PRKG1: variants seen among roughly 807,000 people sequenced by gnomAD.
PRKG1 encodes the protein cGMP-dependent protein kinase 1.
A neutral mutation model predicts 88.1 loss-of-function variants in PRKG1; 35 were observed. That is an observed-to-expected ratio of 0.40 (90% CI 0.30 to 0.53). The LOEUF (loss-of-function observed/expected upper bound fraction) is 0.53. PRKG1 is among the 20% of genes least tolerant of loss of function. PRKG1 has a pLI of 0.59. For missense variants in PRKG1, 540 were observed against 839.8 expected, an observed-to-expected ratio of 0.64 and a Z score of 4.41; for synonymous variants, 303 against 292.5, an observed-to-expected ratio of 1.04 and a Z score of -0.37.
At chr10:52,090,117 T>C (rs913365441) in intron 7 of PRKG1, among the ~76,000 whole-genome samples, 3 of 152,118 alleles carry the variant, frequency 2.0e-5, no homozygotes, top group East Asian at 3.9e-4. Flanking sequence ...CCGGCCTAGA[T>C]TGTTGTTTCT....
At chr10:51,968,892 C>T (rs898989085) in intron 5 of PRKG1, among the ~76,000 whole-genome samples, 1 of 143,444 alleles carries the variant, frequency 7.0e-6, no homozygotes, top group African/African-American at 2.5e-5. Flanking sequence ...ATTATGAAAA[C>T]AGAATCTGCA....
intron 2 of PRKG1, among the ~76,000 whole-genome samples, chr10:51,256,704 A>G (rs1839568819): frequency 6.6e-6 from 1 of 152,124 alleles, no homozygotes; most frequent in African/African-American, 2.4e-5. Context: ...AAGAAAGAAA[A>G]GTTAGATTTA....
intron 9 of PRKG1, among the ~76,000 whole-genome samples, chr10:52,205,704 G>T (rs1276745422): frequency 6.6e-6 from 1 of 152,058 alleles, no homozygotes; most frequent in African/African-American, 2.4e-5. Context: ...AATCTTTGTT[G>T]GAATTTCTTT....
In PRKG1 at chr10:52,262,216, A is replaced by G. The variant is rs142408096; in HGVS notation, c.1174-9134A>G. ...TTTATAAATAATTTTCACATACACT[A>G]TCTGATTTTAACTTACAATATCTGT... On this transcript the variant is annotated intron_variant, in intron 10 of 17. Transcript: ENST00000373980. Among the ~76,000 whole-genome samples the G allele has an allele frequency of 2.8e-4, 42 of 152,122 alleles. No individual in the cohort carries two copies. The East Asian group carries it at 6.4e-3, about 23-fold the overall frequency.
At chr10:51,137,182 C>A (rs1367411572) in intron 1 of PRKG1, among the ~76,000 whole-genome samples, 1 of 152,018 alleles carries the variant, frequency 6.6e-6, no homozygotes, top group Non-Finnish European at 1.5e-5. Context: ...CCGCACCCGG[C>A]CTAATTAATT....
At chr10:51,351,502 T>C (rs980800031) in intron 2 of PRKG1, among the ~76,000 whole-genome samples, 1 of 150,322 alleles carries the variant, frequency 6.7e-6, no homozygotes, top group Non-Finnish European at 1.5e-5. Flanking sequence ...TTTCTCATCA[T>C]CAGTGATGAT....
chr10:51,092,624 G>A (rs1025247179), intron 1 of PRKG1, among the ~76,000 whole-genome samples: 8 of 152,190 alleles, frequency 5.3e-5, no homozygotes, highest in African/African-American at 1.7e-4. Context: ...AACTGGGGAT[G>A]CTGCCAAATC....
At chr10:51,089,388 A>T (rs921395162) in intron 1 of PRKG1, among the ~76,000 whole-genome samples, 5 of 152,212 alleles carry the variant, frequency 3.3e-5, no homozygotes, top group African/African-American at 1.2e-4. Flanking sequence ...TCAAATTTAG[A>T]TATAATTTTT....
intron 2 of PRKG1, among the ~76,000 whole-genome samples, chr10:51,375,755 G>GC (rs1554801274): frequency 1.8e-5 from 1 of 54,878 alleles, no homozygotes; most frequent in African/African-American, 8.5e-5. Context: ...TGTTGGTGGT[G>GC]GGGGGGTGTT....
rs56746938 is a variant in PRKG1 at position 51,079,679 on chromosome 10, T to TTGTGTGTG, written c.311+4796_311+4803dup. Among the ~76,000 whole-genome samples the TTGTGTGTG allele has an allele frequency of 3.2e-3, 483 of 150,270 alleles. 1 individual carries two copies. Among genetic ancestry groups the TTGTGTGTG allele is most frequent in the Middle Eastern group, 7.0e-3 (2 of 286 alleles). ...GGGTTTTAGAATAGCTAAGGCTCATTTGTGTGTGTGTGTGTGTGTGTGTGT... is the reference window on the plus strand; with the variant it reads ...GGGTTTTAGAATAGCTAAGGCTCATTTGTGTGTGTGTGTGTGTGTGTGTGTGTGTGTGT... On this transcript the variant is annotated intron_variant, in intron 1 of 17. Coordinates refer to ENST00000373980, the MANE Select transcript of PRKG1 (RefSeq NM_006258.4).
intron 2 of PRKG1, among the ~76,000 whole-genome samples, chr10:51,417,576 G>C (rs971581018): frequency 7.2e-5 from 11 of 152,156 alleles, no homozygotes; most frequent in African/African-American, 2.7e-4. Context: ...CCATAGAATT[G>C]TAGGGAATGA....
At chr10:51,310,054 G>A (rs903525597) in intron 2 of PRKG1, among the ~76,000 whole-genome samples, 1 of 152,122 alleles carries the variant, frequency 6.6e-6, no homozygotes, top group Non-Finnish European at 1.5e-5. Context: ...TGTACACATG[G>A]GCATAGAGTG....
chr10:51,904,167 A>G (rs1842037886), intron 4 of PRKG1, among the ~76,000 whole-genome samples: 1 of 152,144 alleles, frequency 6.6e-6, no homozygotes, highest in Non-Finnish European at 1.5e-5. Context: ...TCCTTAGGGA[A>G]CCAAAACAAT....
chr10:51,816,073 G>A (rs894475815), intron 4 of PRKG1, among the ~76,000 whole-genome samples: 1 of 152,176 alleles, frequency 6.6e-6, no homozygotes, highest in Non-Finnish European at 1.5e-5. Context: ...GCTCCTTTAA[G>A]AAAGTTAATC....
At chr10:51,088,758 T>C (rs898180380) in intron 1 of PRKG1, among the ~76,000 whole-genome samples, 4 of 152,082 alleles carry the variant, frequency 2.6e-5, no homozygotes, top group African/African-American at 7.2e-5. Context: ...TGCTCCATGT[T>C]ACATCCTTGG....
chr10:51,370,940 T>A (rs1842693161), intron 2 of PRKG1, among the ~76,000 whole-genome samples: 1 of 152,108 alleles, frequency 6.6e-6, no homozygotes. Flanking sequence ...GCATTTGAGA[T>A]CCTTCTTAAT....
chr10:51,955,055 T>C (rs1415552472), intron 5 of PRKG1, among the ~76,000 whole-genome samples: 1 of 152,144 alleles, frequency 6.6e-6, no homozygotes, highest in African/African-American at 2.4e-5. Context: ...GTTTTGTGTG[T>C]GTGTGTGTGT....
In PRKG1 at chr10:52,288,808, A is replaced by T. The variant is rs750349497; in HGVS notation, c.1792A>T (p.Ile598Phe). The T allele has an allele frequency of 6.2e-7, 1 of 1,607,086 alleles. No homozygotes were observed. The highest frequency in any genetic ancestry group is 8.5e-7 in the Non-Finnish European group (1 of 1,177,166). Residue 598 changes from isoleucine (I) to phenylalanine (F), a missense_variant, in exon 15 of 18, where the codon ATT becomes TTT. By Grantham distance (21) the Ile-to-Phe change is conservative. This residue lies in a region of PRKG1 where 97 missense variants were observed against 210.6 expected (regional missense o/e 0.46). Coordinates refer to ENST00000373980, the MANE Select transcript of PRKG1 (RefSeq NM_006258.4). Reference protein sequence around the residue: ...GIDMIEFPKKIAKNAANLIKK... With the variant: ...GIDMIEFPKKFAKNAANLIKK... The stretch of plus-strand genomic sequence containing the variant: ...TGACATGATAGAATTTCCAAAGAAG[A>T]TTGCCAAAAATGCTGCTAATTTAAT...
rs73335855 is a variant in PRKG1 at position 51,196,469 on chromosome 10, C to A, written c.478+43139C>A. Among the ~76,000 whole-genome samples the A allele has an allele frequency of 4.9e-3, 749 of 152,234 alleles. 10 individuals are homozygous for A. The highest frequency in any genetic ancestry group is 0.017 in the African/African-American group (705 of 41,530). On this transcript the variant is annotated intron_variant, in intron 2 of 17. Transcript: ENST00000373980. ...GAAGAATGAAATTAGGGACACAACA[C>A]TAGAAACCTTTGTCAGTGACAGATA...
Sources: allele counts gnomAD v4.1 joint callset (sites outside exome capture counted in the v4.1 genomes callset), GRCh38; gene constraint gnomAD v4.1.1; regional missense constraint gnomAD v4.1.1; transcripts MANE v1.5; gene names NCBI Gene and HGNC (gene_info 2026-07-23, HGNC 2026-07-21).